The following ABLIM2 variants were observed in gnomAD, a reference collection of about 807,000 sequenced individuals.
ABLIM2 encodes actin binding LIM protein family member 2.
A neutral mutation model predicts 97.7 loss-of-function variants in ABLIM2; 53 were observed. The ratio of observed to expected loss-of-function variants is 0.54; its 90% CI spans 0.44 to 0.68. The LOEUF (loss-of-function observed/expected upper bound fraction) is 0.68. Among genes scored for constraint, ABLIM2 ranks in the 30% least tolerant of loss-of-function variants. ABLIM2 has a pLI of 0.00. For synonymous variants in ABLIM2, 361 were observed against 345.8 expected, an observed-to-expected ratio of 1.04 and a Z score of -0.49; for missense variants, 835 against 867.2, an observed-to-expected ratio of 0.96 and a Z score of 0.47.
chr4:8,133,856 C>G (rs1463398837), intron 1 of ABLIM2, among the ~76,000 whole-genome samples: 1 of 152,216 alleles, frequency 6.6e-6, no homozygotes, highest in Non-Finnish European at 1.5e-5. Context: ...AGGCAGTGTC[C>G]CTGCCCACAC....
intron 6 of ABLIM2, among the ~76,000 whole-genome samples, chr4:8,070,178 GTGTC>G (rs1015088138): frequency 6.6e-6 from 1 of 151,548 alleles, no homozygotes; most frequent in African/African-American, 2.4e-5. Context: ...TGTGGCCTGT[GTGTC>G]TGTCTGTGCT....
Position 8,112,057 on chromosome 4 carries a change from T to G in ABLIM2, c.11-5420A>C, listed in dbSNP as rs1840618525. On this transcript the variant is annotated intron_variant, in intron 1 of 20. Transcript: ENST00000447017. This position sits in a 1 kb window ranked among gnomAD's most constrained non-coding sequence, Gnocchi z 4.2. ...CTAACTGTGATAATAACATAGAACA[T>G]AAACTCAAGTGCTAAGAATCTATCA... Among the ~76,000 whole-genome samples, 1 of 151,884 alleles carries G rather than the reference T, an allele frequency of 6.6e-6. No homozygotes were observed. Among genetic ancestry groups the G allele is most frequent in the Non-Finnish European group, 1.5e-5 (1 of 68,004 alleles).
chr4:7,995,921 C>T (rs937111566), intron 16 of ABLIM2, among the ~76,000 whole-genome samples: 2 of 152,130 alleles, frequency 1.3e-5, no homozygotes, highest in Admixed American at 6.5e-5. Flanking sequence ...GTCAAGGCCC[C>T]GAGACGTGCA....
At chr4:8,136,103 G>C (rs746537980) in intron 1 of ABLIM2, among the ~76,000 whole-genome samples, 2 of 152,226 alleles carry the variant, frequency 1.3e-5, no homozygotes, top group Non-Finnish European at 2.9e-5. Context: ...CTATACGGAC[G>C]ATGAAATAGC....
intron 2 of ABLIM2, 41 bp from the exon 3 acceptor site, chr4:8,097,323 A>T (rs755893562): frequency 1.3e-6 from 2 of 1,546,182 alleles, no homozygotes; most frequent in South Asian, 2.4e-5. Context: ...GGCAGAGGGG[A>T]CCATCTCCAC....
chr4:8,108,821 TGTCCTCAC>T (rs1328429315), intron 1 of ABLIM2, among the ~76,000 whole-genome samples: 9 of 152,236 alleles, frequency 5.9e-5, no homozygotes, highest in Non-Finnish European at 1.2e-4. Context: ...TGCCTCCACT[TGTCCTCAC>T]GTCTTCCTTT....
intron 12 of ABLIM2, among the ~76,000 whole-genome samples, chr4:8,025,881 C>A (rs1225282947): frequency 2.0e-5 from 3 of 151,784 alleles, no homozygotes; most frequent in Non-Finnish European, 4.4e-5. Flanking sequence ...CCGTGACTCA[C>A]CCAAATGGTT....
chr4:8,103,672 C>A (rs17795569), intron 2 of ABLIM2, among the ~76,000 whole-genome samples: 3 of 152,168 alleles, frequency 2.0e-5, no homozygotes, highest in South Asian at 4.1e-4. Context: ...CTCATCCCAT[C>A]GCCTGTCGCT....
At chr4:8,030,856 C>T (rs773013489) in intron 10 of ABLIM2, among the ~76,000 whole-genome samples, 9 of 152,180 alleles carry the variant, frequency 5.9e-5, no homozygotes, top group African/African-American at 1.2e-4. Context: ...GCCGTCACAT[C>T]GTTGGATCCA....
At chr4:8,126,805 C>T (rs1848172783) in intron 1 of ABLIM2, among the ~76,000 whole-genome samples, 1 of 152,002 alleles carries the variant, frequency 6.6e-6, no homozygotes, top group Non-Finnish European at 1.5e-5. Context: ...GTGGCTCACA[C>T]CTGTAATCCC....
At position 8,045,201 on chromosome 4, in the gene ABLIM2, G is replaced by A. The variant is rs201328445; in HGVS notation, c.863C>T (p.Ala288Val). ...GCTCGGAGACCCTGAGGTGCTGGAA[G>A]CAGGGACAGAAATGATGCTCTCTGA... Reference protein sequence around the residue: ...TSSESIISVPASSTSGSPSRV... With the variant: ...TSSESIISVPVSSTSGSPSRV... The change falls in exon 9 of 21, where the codon GCT becomes GTT. Residue 288 changes from alanine (A) to valine (V), a missense_variant. Coordinates refer to ENST00000447017, the MANE Select transcript of ABLIM2 (RefSeq NM_001130083.2). 2.8e-5 allele frequency: 45 copies of A among 1,614,030 alleles called. No homozygotes were observed. The Admixed American group carries it at 7.2e-4, about 26-fold the overall frequency.
intron 14 of ABLIM2, among the ~76,000 whole-genome samples, chr4:8,017,193 C>T (rs12513216): frequency 0.048 from 7,292 of 152,256 alleles, 315 homozygotes; most frequent in East Asian, 0.2. Flanking sequence ...CTCCCAGGCC[C>T]TCATACAACT....
intron 2 of ABLIM2, among the ~76,000 whole-genome samples, chr4:8,104,123 G>A (rs1219034465): frequency 1.3e-5 from 2 of 152,186 alleles, no homozygotes; most frequent in African/African-American, 4.8e-5. Flanking sequence ...GCGCTGACAC[G>A]CCCCCTTTGC....
chr4:8,048,036 G>A (rs950945273), intron 8 of ABLIM2, among the ~76,000 whole-genome samples: 10 of 152,334 alleles, frequency 6.6e-5, no homozygotes, highest in East Asian at 3.9e-4. Flanking sequence ...GGGAGGGAGC[G>A]TTGGCTGGTT....
intron 17 of ABLIM2, among the ~76,000 whole-genome samples, chr4:7,990,497 A>ATTTG (rs929454838): frequency 4.6e-5 from 7 of 152,082 alleles, no homozygotes; most frequent in East Asian, 1.9e-4. Context: ...CTCATGTAAT[A>ATTTG]TTTGTTTGTT....
chr4:8,143,173 G>A lies in ABLIM2; in HGVS notation c.10+15507C>T, dbSNP rs1012899744. On this transcript the variant is annotated intron_variant, in intron 1 of 20. Coordinates refer to ENST00000447017, the MANE Select transcript of ABLIM2 (RefSeq NM_001130083.2). Reference sequence around the variant, plus strand: ...GGGGGCGAGAGTGGGGGGGGGGGGCGTCTGCAAATGCATCTCCTGGGGCCT... The same window carrying A: ...GGGGGCGAGAGTGGGGGGGGGGGGCATCTGCAAATGCATCTCCTGGGGCCT... Among the ~76,000 whole-genome samples the A allele has an allele frequency of 1.1e-4, 16 of 146,414 alleles. 1 individual carries two copies. Among genetic ancestry groups the A allele is most frequent in the Middle Eastern group, 6.8e-3 (2 of 292 alleles).
At chr4:8,088,373 T>C in intron 3 of ABLIM2, 89 bp from the exon 4 acceptor site, 1 of 983,534 alleles carries the variant, frequency 1.0e-6, no homozygotes, top group Non-Finnish European at 1.6e-6. Context: ...CCAGGGCCAA[T>C]GTCTCCCCAG....
At position 8,113,828 on chromosome 4, in the gene ABLIM2, G is replaced by A. The variant is rs1231112350; in HGVS notation, c.11-7191C>T. Among the ~76,000 whole-genome samples the A allele has an allele frequency of 3.3e-5, 5 of 152,162 alleles. No individual in the cohort carries two copies. Among genetic ancestry groups the A allele is most frequent in the African/African-American group, 1.2e-4 (5 of 41,438 alleles). On this transcript the variant is annotated intron_variant, in intron 1 of 20. Coordinates refer to ENST00000447017, the MANE Select transcript of ABLIM2 (RefSeq NM_001130083.2). This position sits in a 1 kb window ranked among gnomAD's most constrained non-coding sequence, Gnocchi z 4.5. ...CCAGAGGTCCCGGCTCACCCAGAGC[G>A]GGTCACAGGACACACAGTTCCAGCT...
chr4:8,051,506 G>A (rs1352350063), intron 8 of ABLIM2, among the ~76,000 whole-genome samples: 1 of 145,728 alleles, frequency 6.9e-6, no homozygotes, highest in Non-Finnish European at 1.5e-5. Context: ...GCAGTGAGCT[G>A]AGATCACGCC....
Sources: allele counts gnomAD v4.1 joint callset (sites outside exome capture counted in the v4.1 genomes callset), GRCh38; gene constraint gnomAD v4.1.1; non-coding constraint Gnocchi (gnomAD v3.1); transcripts MANE v1.5; gene names NCBI Gene and HGNC (gene_info 2026-07-23, HGNC 2026-07-21).